The following ULK4 variants were observed in gnomAD, a reference collection of about 807,000 sequenced individuals.
ULK4 encodes the protein unc-51 like kinase 4.
A neutral mutation model predicts 160.6 loss-of-function variants in ULK4; 133 were observed. The ratio of observed to expected loss-of-function variants is 0.83; its 90% CI spans 0.72 to 0.96. ULK4 has a LOEUF of 0.96. Ranked by LOEUF, ULK4 falls within the 40% of genes least tolerant of loss-of-function variation. ULK4 has a pLI of 0.00. For missense variants in ULK4, 1,580 were observed against 1,499.5 expected (o/e 1.05, Z -0.89); for synonymous variants, 534 against 539.8 (o/e 0.99, Z 0.15).
intron 32 of ULK4, among the ~76,000 whole-genome samples, chr3:41,493,646 T>G (rs1455405491): frequency 6.8e-6 from 1 of 147,466 alleles, no homozygotes; most frequent in Non-Finnish European, 1.5e-5. Context: ...AGGAGCTGGT[T>G]TTTTGAAAGG....
intron 5 of ULK4, among the ~76,000 whole-genome samples, chr3:41,921,929 G>A (rs556091522): frequency 9.2e-5 from 14 of 152,162 alleles, no homozygotes; most frequent in Admixed American, 3.9e-4. Flanking sequence ...CGAGGCAGGC[G>A]GATCACCTGA....
chr3:41,451,996 T>C (rs572204765), intron 34 of ULK4, among the ~76,000 whole-genome samples: 2 of 152,214 alleles, frequency 1.3e-5, no homozygotes, highest in East Asian at 3.9e-4. Flanking sequence ...AATCCTCAAA[T>C]ACCAACAAAA....
Position 41,954,748 on chromosome 3 carries a change from A to C in ULK4, c.12T>G (p.Phe4Leu). 1 of 1,612,270 alleles carries C rather than the reference A, an allele frequency of 6.2e-7. No individual in the cohort carries two copies. The highest frequency in any genetic ancestry group is 8.5e-7 in the Non-Finnish European group (1 of 1,179,382). Residue 4 changes from phenylalanine to leucine, a missense_variant, in exon 2 of 37, where the codon TTT (phenylalanine) becomes TTG (leucine). Phe to Leu is a conservative substitution (Grantham distance 22). Transcript: ENST00000301831. ...CTCTTCCGATCTCCTCATACAGAAT[A>C]AAGTTTTCCATCTCTGGGCCGACTT... Reference protein sequence around the residue: MENFILYEEIGRGS... With the variant: MENLILYEEIGRGS...
At chr3:41,765,516 C>T (rs1167486002) in intron 21 of ULK4, among the ~76,000 whole-genome samples, 3 of 151,990 alleles carry the variant, frequency 2.0e-5, no homozygotes. Context: ...TGTAACAAAC[C>T]TGCAGGTTGT....
intron 35 of ULK4, among the ~76,000 whole-genome samples, chr3:41,325,836 T>C (rs2080330343): frequency 6.6e-6 from 1 of 151,926 alleles, no homozygotes. Context: ...GGTGAATTGC[T>C]AGAACCAGGG....
intron 22 of ULK4, among the ~76,000 whole-genome samples, chr3:41,736,867 G>C (rs1487225586): frequency 1.3e-5 from 2 of 151,674 alleles, no homozygotes; most frequent in African/African-American, 4.9e-5. Context: ...ATTAATTTTT[G>C]TCTAAGGTGT....
intron 1 of ULK4, chr3:41,955,476 TC>T (rs1216692690): frequency 6.6e-6 from 1 of 152,226 alleles, no homozygotes; most frequent in African/African-American, 2.4e-5. Context: ...GCCGTGGGCC[TC>T]GATGAGGGCC....
rs1559658091 is a variant in ULK4, at chr3:41,506,770, ATATAT to A, written c.3227-43522_3227-43518del. 6.5e-4 allele frequency among the ~76,000 whole-genome samples: 65 copies of A among 100,124 alleles called. 12 individuals are homozygous for A. The highest frequency in any genetic ancestry group is 8.1e-4 in the Non-Finnish European group (42 of 51,646). 65.7% of individuals were successfully genotyped at this position (100,124 alleles called of 152,430 possible). ...AATACACTGGAGTGTGATTTAAAAT[ATATAT>A]ATATATATATATATATATATATATA... is the stretch of plus-strand genomic sequence containing the variant. On this transcript the variant is annotated intron_variant, in intron 32 of 36. Coordinates refer to ENST00000301831, the MANE Select transcript of ULK4 (RefSeq NM_017886.4).
chr3:41,721,335 T>A (rs1262392148), intron 22 of ULK4, among the ~76,000 whole-genome samples: 1 of 27,558 alleles, frequency 3.6e-5, no homozygotes, highest in Admixed American at 5.1e-4. Context: ...TTAATGTAAA[T>A]ATATATATAT....
chr3:41,646,269 T>C (rs1441963848), intron 30 of ULK4, among the ~76,000 whole-genome samples: 1 of 152,234 alleles, frequency 6.6e-6, no homozygotes, highest in Admixed American at 6.5e-5. Context: ...CGTTAGTTGA[T>C]GCAGTTTCTT....
At chr3:41,330,670 A>G (rs1297164666) in intron 35 of ULK4, among the ~76,000 whole-genome samples, 1 of 150,576 alleles carries the variant, frequency 6.6e-6, no homozygotes, top group Non-Finnish European at 1.5e-5. Context: ...CTTTGTCCCC[A>G]GCACTTTGTG....
chr3:41,800,361 T>C lies in ULK4; in HGVS notation c.1849-68A>G, dbSNP rs868375849. 1.0e-4 allele frequency: 153 copies of C among 1,477,432 alleles called. 1 individual carries two copies. The highest frequency in any genetic ancestry group is 9.3e-4 in the Middle Eastern group (4 of 4,290). 91.5% of individuals were successfully genotyped at this position (1,477,432 alleles called of 1,614,324 possible). ...AATACATGTTATTTCTTTATGACCA[T>C]TGTAAATAATGTTATGATACCAAGA... On this transcript the variant is annotated intron_variant, in intron 19 of 36. Transcript: ENST00000301831.
At chr3:41,931,584 T>C (rs1183236830) in intron 5 of ULK4, among the ~76,000 whole-genome samples, 6 of 152,138 alleles carry the variant, frequency 3.9e-5, no homozygotes, top group African/African-American at 1.4e-4. Flanking sequence ...TATGTGCTAA[T>C]GAGTGCTCAG....
intron 34 of ULK4, among the ~76,000 whole-genome samples, chr3:41,429,398 C>T (rs186538682): frequency 2.0e-5 from 3 of 152,090 alleles, no homozygotes; most frequent in Non-Finnish European, 2.9e-5. Flanking sequence ...CCTATTACTG[C>T]GTATATACTC....
chr3:41,426,478 G>C (rs72869503), intron 34 of ULK4, among the ~76,000 whole-genome samples: 3,866 of 152,200 alleles, frequency 0.025, 125 homozygotes, highest in African/African-American at 0.07. Flanking sequence ...AATCTTCTTG[G>C]TGCCAAATGG....
Position 41,516,366 on chromosome 3 carries a change from A to G in ULK4, c.3226+49659T>C, listed in dbSNP as rs76991887. On this transcript the variant is annotated intron_variant, in intron 32 of 36. Transcript: ENST00000301831. The stretch of plus-strand genomic sequence containing the variant: ...TGAAATTTACTTTTCAGCTATTAAA[A>G]CCAAGTATCAAAATAAACTAAACCT... Among the ~76,000 whole-genome samples the G allele has an allele frequency of 1.2e-4, 19 of 152,342 alleles. No individual in the cohort carries two copies. In the East Asian group the frequency reaches 3.5e-3, roughly 28 times the overall value.
At chr3:41,636,554 AAGAAG>A (rs1239223793) in intron 30 of ULK4, among the ~76,000 whole-genome samples, 3 of 151,738 alleles carry the variant, frequency 2.0e-5, no homozygotes, top group Admixed American at 6.6e-5. Context: ...AAAAAAAGAA[AAGAAG>A]AGAAGAGAGG....
At chr3:41,585,962 C>G (rs985861300) in intron 31 of ULK4, among the ~76,000 whole-genome samples, 2 of 152,102 alleles carry the variant, frequency 1.3e-5, no homozygotes, top group African/African-American at 4.8e-5. Flanking sequence ...AATGATATAT[C>G]AGCTCACACC....
chr3:41,906,168 G>C (rs1427392592), intron 12 of ULK4, among the ~76,000 whole-genome samples: 12 of 135,772 alleles, frequency 8.8e-5, no homozygotes, highest in African/African-American at 2.0e-4. Context: ...AGTGAGCCGA[G>C]ATCCCGCCAC....
Sources: gnomAD v4.1 joint callset for allele counts (sites outside exome capture counted in the v4.1 genomes callset) on GRCh38, gnomAD v4.1.1 for gene constraint, MANE v1.5 for transcripts, NCBI Gene and HGNC (gene_info 2026-07-23, HGNC 2026-07-21) for gene names.